Variants in AADAT observed in about 807,000 individuals in gnomAD.
AADAT encodes aminoadipate aminotransferase, also known as kynurenine/alpha-aminoadipate aminotransferase, mitochondrial.
A neutral mutation model predicts 56.2 loss-of-function variants in AADAT; 25 were observed. That is an observed-to-expected ratio of 0.44 (90% CI 0.32 to 0.62). The LOEUF (loss-of-function observed/expected upper bound fraction) is 0.62, where lower values mean the gene tolerates loss of function less well. AADAT is among the 20% of genes least tolerant of loss of function. The pLI, the probability that AADAT is intolerant of heterozygous loss-of-function variation, is 0.04. For synonymous variants in AADAT, 173 were observed against 164.7 expected (o/e 1.05, Z -0.39); for missense variants, 387 against 510.5 (o/e 0.76, Z 2.33).
At chr4:170,061,007 G>A (rs1731162816) in intron 12 of AADAT, 38 bp from the exon 13 acceptor site, 2 of 1,359,328 alleles carry the variant, frequency 1.5e-6, no homozygotes, top group African/African-American at 1.5e-5. Flanking sequence ...AATTAAATTA[G>A]GATACTATAT....
rs1390948545 is a variant in AADAT at position 170,073,268 on chromosome 4, T to C, written c.522A>G (p.Ile174Met). ...SGIVPDSLRD[I>M]LSRWKPEDAK... ...CATCTTCTGGTTTCCATCTGGAAAG[T>C]ATGTCTCTTAGGGAATCTGGAACAA... The change falls in exon 5 of 13, where the codon ATA (isoleucine) becomes ATG (methionine). Residue 174 changes from isoleucine (I) to methionine (M), a missense_variant. Physicochemically the swap from Ile to Met is conservative, Grantham distance 10. Coordinates refer to ENST00000337664, the MANE Select transcript of AADAT (RefSeq NM_016228.4). The C allele has an allele frequency of 1.2e-6, 2 of 1,614,124 alleles. No homozygotes were observed. Among genetic ancestry groups the C allele is most frequent in the Admixed American group, 1.7e-5 (1 of 60,016 alleles).
intron 3 of AADAT, among the ~76,000 whole-genome samples, chr4:170,084,184 T>G (rs1046533563): frequency 1.3e-5 from 2 of 151,900 alleles, no homozygotes; most frequent in Non-Finnish European, 2.9e-5. Context: ...GCTAAAAAAG[T>G]GGATCTCATA....
At chr4:170,089,536 C>T in intron 1 of AADAT, 88 bp downstream of exon 1, 2 of 1,492,230 alleles carry the variant, frequency 1.3e-6, no homozygotes, top group Middle Eastern at 1.7e-4. Context: ...ATGGATGCAA[C>T]CAAGCGGTGG....
chr4:170,073,324 T>C lies in AADAT; in HGVS notation c.466A>G (p.Ile156Val), dbSNP rs747749864. Residue 156 changes from isoleucine to valine, a missense_variant, in exon 5 of 13, where the codon ATT becomes GTT. Ile to Val is a conservative substitution (Grantham distance 29). Transcript: ENST00000337664. ...CTTTCATCACTGGCAACATTAATAA[T>C]GTTGCAGCCCAGTGGGTGCAGCTGT... The part of the protein sequence containing the change: ...LQSLHPLGCN[I>V]INVASDESGI... The C allele has an allele frequency of 5.0e-6, 8 of 1,613,864 alleles. No individual in the cohort carries two copies. The East Asian group carries it at 1.8e-4, about 36-fold the overall frequency.
chr4:170,074,103 G>A (rs893401988), intron 4 of AADAT, among the ~76,000 whole-genome samples: 12 of 152,314 alleles, frequency 7.9e-5, no homozygotes, highest in African/African-American at 2.6e-4. Flanking sequence ...GATATGGAAC[G>A]TAAGGGAAAT....
upstream of AADAT, among the ~76,000 whole-genome samples, chr4:170,092,724 G>A (rs1243620353): frequency 6.6e-6 from 1 of 152,204 alleles, no homozygotes; most frequent in African/African-American, 2.4e-5. Context: ...TGGTTTTCTC[G>A]CAGGCATGTT....
chr4:170,060,697 T>C lies in AADAT; in HGVS notation c.*231A>G, dbSNP rs1233175590. On this transcript the variant is annotated 3_prime_UTR_variant, in exon 13 of 13. Coordinates refer to ENST00000337664, the MANE Select transcript of AADAT (RefSeq NM_016228.4). ...ATTTCTTCCTGCCAAAACAAGAAAT[T>C]TATTGGAAAAATCCATGAGCAGCAT... The C allele has an allele frequency of 1.6e-5, 6 of 366,876 alleles. No individual in the cohort carries two copies. The highest frequency in any genetic ancestry group is 4.6e-5 in the Admixed American group (1 of 21,634). 22.7% of individuals were successfully genotyped at this position (366,876 alleles called of 1,614,324 possible). A position where few individuals can be genotyped will look rare whatever the true frequency, so the allele number is the denominator to read the frequency against.
chr4:170,065,992 TAC>T (rs1173553648), intron 10 of AADAT, among the ~76,000 whole-genome samples: 1 of 152,138 alleles, frequency 6.6e-6, no homozygotes, highest in Non-Finnish European at 1.5e-5. Flanking sequence ...TAGATAATAC[TAC>T]AGAGATAAAT....
At chr4:170,073,739 T>G (rs1731900034) in intron 4 of AADAT, among the ~76,000 whole-genome samples, 1 of 152,164 alleles carries the variant, frequency 6.6e-6, no homozygotes, top group South Asian at 2.1e-4. Flanking sequence ...GACCTCGTGA[T>G]CCGCCCGCCT....
chr4:170,078,452 T>A (rs1732141005), intron 4 of AADAT, 57 bp downstream of exon 4: 2 of 1,001,544 alleles, frequency 2.0e-6, no homozygotes, highest in East Asian at 5.0e-5. Flanking sequence ...ACCTTTATTA[T>A]AAGTTTTCTT....
At chr4:170,084,837 G>GCAGCA (rs1417147521) in intron 3 of AADAT, among the ~76,000 whole-genome samples, 2 of 152,172 alleles carry the variant, frequency 1.3e-5, no homozygotes, top group African/African-American at 2.4e-5. Flanking sequence ...CACTTGGGTG[G>GCAGCA]CAGCACGTAC....
intron 11 of AADAT, among the ~76,000 whole-genome samples, chr4:170,062,454 A>G (rs1731239773): frequency 1.3e-5 from 2 of 152,246 alleles, no homozygotes; most frequent in African/African-American, 4.8e-5. Context: ...GGGCAAAGAT[A>G]CACAGAGTAA....
At chr4:170,065,448 T>A (rs1731406616) in intron 10 of AADAT, among the ~76,000 whole-genome samples, 2 of 152,156 alleles carry the variant, frequency 1.3e-5, no homozygotes, top group South Asian at 4.1e-4. Context: ...TTCAAAGTTT[T>A]TCTTCAGTAC....
At chr4:170,088,806 G>C (rs1396099169) in intron 1 of AADAT, among the ~76,000 whole-genome samples, 4 of 152,156 alleles carry the variant, frequency 2.6e-5, no homozygotes, top group African/African-American at 9.7e-5. Flanking sequence ...TCCTGAATGG[G>C]ATTGGTGCAC....
Position 170,073,240 on chromosome 4 carries a change from T to C in AADAT, c.550A>G (p.Lys184Glu). Reference protein sequence around the residue: ...ILSRWKPEDAKNPQKNTPKFL... With the variant: ...ILSRWKPEDAENPQKNTPKFL... ...TTGGGGGTGTTTTTCTGGGGATTCT[T>C]TGCATCTTCTGGTTTCCATCTGGAA... Residue 184 changes from lysine to glutamate, a missense_variant, in exon 5 of 13, where the codon AAG becomes GAG. Transcript: ENST00000337664. 1.2e-6 allele frequency: 2 copies of C among 1,614,148 alleles called. No homozygotes were observed. Among genetic ancestry groups the C allele is most frequent in the Non-Finnish European group, 1.7e-6 (2 of 1,180,022 alleles).
chr4:170,085,629 T>C (rs1732522946), intron 3 of AADAT, among the ~76,000 whole-genome samples: 1 of 152,198 alleles, frequency 6.6e-6, no homozygotes, highest in Admixed American at 6.5e-5. Context: ...AAAAAGTCCA[T>C]AGTATCCTTT....
chr4:170,071,330 C>G (rs1731752614), intron 5 of AADAT, among the ~76,000 whole-genome samples: 2 of 152,152 alleles, frequency 1.3e-5, no homozygotes, highest in African/African-American at 4.8e-5. Context: ...AATATCAGAG[C>G]TTAAAATGAC....
intron 3 of AADAT, among the ~76,000 whole-genome samples, chr4:170,084,310 A>G (rs1233629449): frequency 6.6e-6 from 1 of 152,230 alleles, no homozygotes; most frequent in Non-Finnish European, 1.5e-5. Context: ...ATACTTAAAA[A>G]TGGCAAGGAT....
upstream of AADAT, among the ~76,000 whole-genome samples, chr4:170,092,182 C>G (rs1469107364): frequency 1.3e-5 from 2 of 152,238 alleles, no homozygotes; most frequent in East Asian, 1.9e-4. Flanking sequence ...CGCTTGGATA[C>G]TTTTGCAGCG....
Sources: gnomAD v4.1 joint callset for allele counts (sites outside exome capture counted in the v4.1 genomes callset) on GRCh38, gnomAD v4.1.1 for gene constraint, MANE v1.5 for transcripts, NCBI Gene and HGNC (gene_info 2026-07-23, HGNC 2026-07-21) for gene names.